Variants in GRIP1 observed in about 807,000 individuals in gnomAD.
GRIP1 encodes the protein glutamate receptor interacting protein 1.
Under a neutral mutation model 129.9 loss-of-function variants are expected in GRIP1, and 45 were observed. The observed-to-expected ratio is 0.35, with a 90% CI of 0.27 to 0.44. The LOEUF is 0.44. GRIP1 is among the 20% of genes least tolerant of loss of function. GRIP1 has a pLI of 1.00. For synonymous variants in GRIP1, 530 were observed against 520.8 expected (o/e 1.02, Z -0.24); for missense variants, 1,196 against 1,396.8 (o/e 0.86, Z 2.29).
intron 1 of GRIP1, among the ~76,000 whole-genome samples, chr12:67,041,273 C>T (rs1565651935): frequency 6.6e-6 from 1 of 151,006 alleles, no homozygotes; most frequent in East Asian, 1.9e-4. Flanking sequence ...TGTATATATC[C>T]ATATATACAC....
intron 1 of GRIP1, among the ~76,000 whole-genome samples, chr12:66,997,030 T>TA (rs1240287914): frequency 2.0e-5 from 3 of 152,104 alleles, no homozygotes; most frequent in African/African-American, 7.2e-5. Context: ...ACAGAAAGAC[T>TA]AATAGAGAAA....
intron 5 of GRIP1, among the ~76,000 whole-genome samples, chr12:66,521,542 G>A (rs1171447926): frequency 6.6e-6 from 1 of 152,216 alleles, no homozygotes; most frequent in African/African-American, 2.4e-5. Context: ...TGGCCAAATA[G>A]GAACAGCTCC....
intron 1 of GRIP1, among the ~76,000 whole-genome samples, chr12:67,012,100 T>C (rs2042717359): frequency 6.6e-6 from 1 of 152,150 alleles, no homozygotes. Context: ...CAATAAGCAG[T>C]TGTTGAATGG....
At chr12:66,382,249 G>A (rs1337429157) in intron 19 of GRIP1, among the ~76,000 whole-genome samples, 1 of 152,052 alleles carries the variant, frequency 6.6e-6, no homozygotes, top group Non-Finnish European at 1.5e-5. Flanking sequence ...AAGTAACTGG[G>A]CATGGTTATG....
chr12:67,046,514 T>C (rs962699931), intron 1 of GRIP1, among the ~76,000 whole-genome samples: 1 of 152,216 alleles, frequency 6.6e-6, no homozygotes, highest in Admixed American at 6.5e-5. Flanking sequence ...TTACAGTATA[T>C]TTACATAGAA....
intron 1 of GRIP1, among the ~76,000 whole-genome samples, chr12:66,650,950 G>A (rs2032750467): frequency 3.3e-5 from 5 of 152,162 alleles, no homozygotes; most frequent in Admixed American, 3.3e-4. Context: ...AATGAGCATG[G>A]TAAAAATATC....
At chr12:66,689,624 CAAT>C (rs1420649995) in intron 1 of GRIP1, among the ~76,000 whole-genome samples, 1 of 152,108 alleles carries the variant, frequency 6.6e-6, no homozygotes, top group Non-Finnish European at 1.5e-5. Flanking sequence ...TGACCACAAT[CAAT>C]TAACATATTC....
At chr12:66,481,977 T>C (rs1411588327) in intron 7 of GRIP1, among the ~76,000 whole-genome samples, 2 of 152,082 alleles carry the variant, frequency 1.3e-5, no homozygotes, top group Admixed American at 1.3e-4. Flanking sequence ...AGGGATAGCA[T>C]TAGGAGAAGT....
intron 23 of GRIP1, among the ~76,000 whole-genome samples, chr12:66,369,284 C>T (rs2055336687): frequency 1.3e-5 from 2 of 151,180 alleles, no homozygotes; most frequent in Admixed American, 1.3e-4. Context: ...AGTCCATCCA[C>T]AGCCATTCAT....
intron 1 of GRIP1, among the ~76,000 whole-genome samples, chr12:66,693,146 G>C (rs2035036647): frequency 6.6e-6 from 1 of 151,180 alleles, no homozygotes; most frequent in Admixed American, 6.6e-5. Context: ...TGTCCCAAGA[G>C]AGCCAGGTCA....
At chr12:66,631,410 C>G (rs1179346511) in intron 1 of GRIP1, among the ~76,000 whole-genome samples, 1 of 152,192 alleles carries the variant, frequency 6.6e-6, no homozygotes, top group Non-Finnish European at 1.5e-5. Context: ...TTCATTGGCT[C>G]TGCTTACTGC....
chr12:66,691,062 C>T (rs959722015), intron 1 of GRIP1, among the ~76,000 whole-genome samples: 2 of 152,154 alleles, frequency 1.3e-5, no homozygotes, highest in African/African-American at 2.4e-5. Flanking sequence ...ATTTGCTCAA[C>T]CCAAGAAATA....
At chr12:66,550,386 T>G (rs1448698231) in intron 2 of GRIP1, among the ~76,000 whole-genome samples, 1 of 152,214 alleles carries the variant, frequency 6.6e-6, no homozygotes, top group African/African-American at 2.4e-5. Flanking sequence ...TATTTGGATA[T>G]TGGAAATTTC....
intron 1 of GRIP1, among the ~76,000 whole-genome samples, chr12:66,810,417 G>C (rs186007764): frequency 5.5e-4 from 83 of 152,220 alleles, no homozygotes; most frequent in Non-Finnish European, 1.0e-3. Flanking sequence ...AACTAGCCAG[G>C]TGTGGTGGTG....
At position 66,505,505 on chromosome 12, in the gene GRIP1, C is replaced by T. The variant is rs191084869; in HGVS notation, c.724+10114G>A. On this transcript the variant is annotated intron_variant, in intron 7 of 24. Coordinates refer to ENST00000359742, the MANE Select transcript of GRIP1 (RefSeq NM_001366722.1). ...AGATCCTAAGCAAAAAACTCATCCACGCCTGCCTGGATTTCTAACTTATAA... is the reference window on the plus strand; with the variant it reads ...AGATCCTAAGCAAAAAACTCATCCATGCCTGCCTGGATTTCTAACTTATAA... Among the ~76,000 whole-genome samples the T allele has an allele frequency of 2.7e-3, 409 of 152,300 alleles. 2 individuals are homozygous for T. Among genetic ancestry groups the T allele is most frequent in the African/African-American group, 9.4e-3 (392 of 41,576 alleles).
intron 1 of GRIP1, among the ~76,000 whole-genome samples, chr12:66,941,141 C>T (rs17182971): frequency 0.21 from 31,764 of 151,698 alleles, 3,579 homozygotes; most frequent in South Asian, 0.26. Context: ...TTCAATGAGA[C>T]TGTATATTAA....
At chr12:66,470,054 T>C (rs1485837523) in intron 7 of GRIP1, among the ~76,000 whole-genome samples, 1 of 152,104 alleles carries the variant, frequency 6.6e-6, no homozygotes, top group African/African-American at 2.4e-5. Flanking sequence ...CATCCTTTCT[T>C]TCCATCTCCA....
At chr12:66,809,463 A>T (rs965250733) in intron 1 of GRIP1, among the ~76,000 whole-genome samples, 1 of 152,158 alleles carries the variant, frequency 6.6e-6, no homozygotes, top group Non-Finnish European at 1.5e-5. Flanking sequence ...TGCAGCCTTC[A>T]TGTAGCCTTG....
intron 1 of GRIP1, among the ~76,000 whole-genome samples, chr12:66,776,028 A>T (rs572738562): frequency 6.6e-6 from 1 of 152,240 alleles, no homozygotes; most frequent in African/African-American, 2.4e-5. Context: ...GGCTGCTCAG[A>T]CTCCTGACCC....
Sources: allele counts gnomAD v4.1 joint callset (sites outside exome capture counted in the v4.1 genomes callset), GRCh38; gene constraint gnomAD v4.1.1; transcripts MANE v1.5; gene names NCBI Gene and HGNC (gene_info 2026-07-23, HGNC 2026-07-21).